SMC1B: variants seen among roughly 807,000 people sequenced by gnomAD.
The protein encoded by SMC1B is structural maintenance of chromosomes protein 1B.
SMC1B carries 60 observed loss-of-function variants against 157.9 expected under a neutral mutation model. The observed-to-expected ratio is 0.38, with a 90% CI of 0.31 to 0.47. The LOEUF is 0.47. SMC1B is among the 20% of genes least tolerant of loss of function. SMC1B has a pLI of 0.99. For missense variants in SMC1B, 1,165 were observed against 1,426.2 expected, an observed-to-expected ratio of 0.82 and a Z score of 2.95; for synonymous variants, 445 against 483.0, an observed-to-expected ratio of 0.92 and a Z score of 1.03.
intron 6 of SMC1B, among the ~76,000 whole-genome samples, chr22:45,397,886 A>C (rs1301058013): frequency 1.3e-5 from 2 of 151,802 alleles, no homozygotes; most frequent in Non-Finnish European, 2.9e-5. Context: ...TGCCTTCCTC[A>C]CTCTTCGATT....
chr22:45,391,106 C>T (rs1391118316), intron 9 of SMC1B, among the ~76,000 whole-genome samples: 2 of 151,248 alleles, frequency 1.3e-5, no homozygotes, highest in Non-Finnish European at 2.9e-5. Flanking sequence ...CTATGTTGCC[C>T]AGGCTGGTCT....
intron 12 of SMC1B, among the ~76,000 whole-genome samples, chr22:45,377,927 C>A (rs921846734): frequency 6.6e-6 from 1 of 152,020 alleles, no homozygotes; most frequent in African/African-American, 2.4e-5. Flanking sequence ...CTGCTCACTG[C>A]AGCCTTGACC....
chr22:45,349,636 AG>A (rs1298681072), intron 23 of SMC1B, 91 bp downstream of exon 23: 2 of 1,197,694 alleles, frequency 1.7e-6, no homozygotes, highest in Non-Finnish European at 2.4e-6. Context: ...GCCTAGACCA[AG>A]GACTGATTTT....
chr22:45,380,976 T>G (rs1159918965), intron 12 of SMC1B, among the ~76,000 whole-genome samples: 42 of 151,640 alleles, frequency 2.8e-4, no homozygotes, highest in African/African-American at 5.6e-4. Context: ...TTTTTTTTTT[T>G]TGTGAGATGG....
At chr22:45,346,056 T>C (rs908959810) in intron 23 of SMC1B, among the ~76,000 whole-genome samples, 1 of 151,662 alleles carries the variant, frequency 6.6e-6, no homozygotes. Context: ...TACAAAAAAA[T>C]TAGGCAGGCA....
At chr22:45,388,232 A>G (rs1329206802) in intron 10 of SMC1B, among the ~76,000 whole-genome samples, 2 of 152,150 alleles carry the variant, frequency 1.3e-5, no homozygotes, top group African/African-American at 4.8e-5. Context: ...AAACTCATAT[A>G]CAACTAAAAT....
chr22:45,352,488 A>G lies in SMC1B; in HGVS notation c.3388T>C (p.Cys1130Arg). 1 of 1,614,060 alleles carries G rather than the reference A, an allele frequency of 6.2e-7. No individual in the cohort carries two copies. The highest frequency in any genetic ancestry group is 8.5e-7 in the Non-Finnish European group (1 of 1,179,964). ...PMDNLSGGEK[C>R]VAALALLFAV... The stretch of plus-strand genomic sequence containing the variant: ...AACAGGAGAGCCAAGGCTGCCACAC[A>G]CTTTTCTCCCCCTGACAAATTGTCC... The change falls in exon 22 of 25, where the codon TGT becomes CGT. Residue 1130 changes from cysteine (C) to arginine (R), a missense_variant. Coordinates refer to ENST00000357450, the MANE Select transcript of SMC1B (RefSeq NM_148674.5).
intron 12 of SMC1B, 72 bp from the exon 13 acceptor site, chr22:45,372,364 T>C: frequency 1.5e-6 from 2 of 1,336,486 alleles, no homozygotes; most frequent in Non-Finnish European, 2.0e-6. Flanking sequence ...TGCTTTCATA[T>C]GTAATAATTC....
chr22:45,391,137 C>T (rs2087054259), intron 9 of SMC1B, among the ~76,000 whole-genome samples: 1 of 151,892 alleles, frequency 6.6e-6, no homozygotes, highest in African/African-American at 2.4e-5. Flanking sequence ...TATTCTCCTG[C>T]CTCAGCCTCC....
intron 22 of SMC1B, among the ~76,000 whole-genome samples, chr22:45,350,758 A>G (rs913653356): frequency 2.0e-5 from 3 of 152,162 alleles, no homozygotes; most frequent in Non-Finnish European, 4.4e-5. Context: ...TGATTAGGTC[A>G]AAACCCACAG....
intron 18 of SMC1B, among the ~76,000 whole-genome samples, chr22:45,359,313 AAG>A (rs1424732947): frequency 1.3e-5 from 2 of 152,204 alleles, no homozygotes; most frequent in Non-Finnish European, 2.9e-5. Flanking sequence ...GTGAAAAAGA[AAG>A]AAAAAAGGCC....
intron 9 of SMC1B, 43 bp from the exon 10 acceptor site, chr22:45,389,940 AG>A: frequency 6.7e-7 from 1 of 1,491,210 alleles, no homozygotes; most frequent in Non-Finnish European, 9.2e-7. Flanking sequence ...GATATATTAG[AG>A]TGAAATATAT....
chr22:45,352,477 G>C lies in SMC1B; in HGVS notation c.3399C>G (p.Ala1133=). ...TGTGCACAGCAAACAGGAGAGCCAA[G>C]GCTGCCACACACTTTTCTCCCCCTG... ...NLSGGEKCVA[A]LALLFAVHSF... is the part of the protein sequence containing the mutation. The change falls in exon 22 of 25, where the codon GCC becomes GCG. Residue 1133 remains alanine (A), a synonymous_variant. Transcript: ENST00000357450. The C allele has an allele frequency of 1.2e-6, 2 of 1,614,004 alleles. No individual in the cohort carries two copies. Among genetic ancestry groups the C allele is most frequent in the Non-Finnish European group, 8.5e-7 (1 of 1,179,944 alleles).
At chr22:45,348,629 CA>C (rs1436591094) in intron 23 of SMC1B, among the ~76,000 whole-genome samples, 1 of 152,120 alleles carries the variant, frequency 6.6e-6, no homozygotes, top group Non-Finnish European at 1.5e-5. Flanking sequence ...GTTGATTTCT[CA>C]TCAACTCTGG....
chr22:45,362,434 C>T (rs906858483), intron 16 of SMC1B, among the ~76,000 whole-genome samples: 6 of 152,218 alleles, frequency 3.9e-5, no homozygotes, highest in African/African-American at 9.7e-5. Context: ...TGCTCCACTG[C>T]TCTTCACTGC....
At chr22:45,387,393 T>C (rs1035125093) in intron 10 of SMC1B, among the ~76,000 whole-genome samples, 47 of 152,104 alleles carry the variant, frequency 3.1e-4, no homozygotes, top group African/African-American at 1.1e-3. Context: ...GTAGTTGTAG[T>C]GAGCTGAGAT....
At chr22:45,393,567 G>C (rs944336511) in intron 9 of SMC1B, 67 bp downstream of exon 9, 1 of 1,135,834 alleles carries the variant, frequency 8.8e-7, no homozygotes, top group Non-Finnish European at 1.3e-6. Context: ...CAAATGAGAA[G>C]ATACTGTTGA....
chr22:45,368,403 AG>A (rs1333270591), intron 15 of SMC1B, among the ~76,000 whole-genome samples: 1 of 152,030 alleles, frequency 6.6e-6, no homozygotes, highest in Non-Finnish European at 1.5e-5. Context: ...GGTTATTTAT[AG>A]GTGACATTGA....
At chr22:45,349,833 T>C (rs746455571) in intron 22 of SMC1B, 36 bp from the exon 23 acceptor site, 2 of 1,505,316 alleles carry the variant, frequency 1.3e-6, no homozygotes, top group South Asian at 2.4e-5. Flanking sequence ...GTTACAATTT[T>C]CTATTTGTTT....
Sources: allele counts gnomAD v4.1 joint callset (sites outside exome capture counted in the v4.1 genomes callset), GRCh38; gene constraint gnomAD v4.1.1; transcripts MANE v1.5; gene names NCBI Gene and HGNC (gene_info 2026-07-23, HGNC 2026-07-21).